The following COL23A1 variants were observed in gnomAD, a reference collection of about 807,000 sequenced individuals.
The protein encoded by COL23A1 is collagen alpha-1(XXIII) chain.
Under a neutral mutation model 99.3 loss-of-function variants are expected in COL23A1, and 97 were observed. The observed-to-expected ratio is 0.98, with a 90% CI of 0.83 to 1.16. The LOEUF (loss-of-function observed/expected upper bound fraction) is 1.16, where lower values mean the gene tolerates loss of function less well. COL23A1 is among the 50% of genes most tolerant of loss of function. COL23A1 has a pLI of 0.00. For missense variants in COL23A1, 762 were observed against 757.4 expected (o/e 1.01, Z -0.07); for synonymous variants, 320 against 308.2 (o/e 1.04, Z -0.40).
At chr5:178,374,519 T>C (rs150017156) in intron 2 of COL23A1, among the ~76,000 whole-genome samples, 2 of 152,348 alleles carry the variant, frequency 1.3e-5, no homozygotes, top group Non-Finnish European at 2.9e-5. Flanking sequence ...GGGTTTGCAT[T>C]CCAGCTCTGC....
chr5:178,314,362 C>T (rs1048155896), intron 2 of COL23A1, among the ~76,000 whole-genome samples: 3 of 152,108 alleles, frequency 2.0e-5, no homozygotes, highest in Non-Finnish European at 2.9e-5. Context: ...TTTAAGGCAC[C>T]GCCATAGTCT....
intron 2 of COL23A1, among the ~76,000 whole-genome samples, chr5:178,552,133 T>C (rs575484971): frequency 1.3e-5 from 2 of 152,288 alleles, no homozygotes; most frequent in South Asian, 4.1e-4. Context: ...CTCCTTGTAA[T>C]TTCTGTAGGA....
chr5:178,551,396 T>A (rs1761998090), intron 2 of COL23A1, among the ~76,000 whole-genome samples: 1 of 151,964 alleles, frequency 6.6e-6, no homozygotes, highest in Admixed American at 6.6e-5. Flanking sequence ...AGAGAAGACT[T>A]CTAATTATTT....
At position 178,403,108 on chromosome 5, in the gene COL23A1, C is replaced by CAAAAA. The variant is rs200567150; in HGVS notation, c.362-96194_362-96190dup. Among the ~76,000 whole-genome samples the CAAAAA allele has an allele frequency of 5.1e-4, 24 of 46,626 alleles. 1 individual carries two copies. Among genetic ancestry groups the CAAAAA allele is most frequent in the African/African-American group, 7.6e-4 (7 of 9,256 alleles). The allele number at this position is 46,626 out of a possible 152,430, so 30.6% of individuals were successfully genotyped here. A position where few individuals can be genotyped will look rare whatever the true frequency, so the allele number is the denominator to read the frequency against. ...TGGGCAACAGAGAGAGACTCCATCT[C>CAAAAA]AAAAAAAAAAAAAATAAATAAATAA... is the stretch of plus-strand genomic sequence containing the variant. On this transcript the variant is annotated intron_variant, in intron 2 of 28. Transcript: ENST00000390654.
At chr5:178,419,832 C>T (rs759634116) in intron 2 of COL23A1, among the ~76,000 whole-genome samples, 31 of 152,304 alleles carry the variant, frequency 2.0e-4, no homozygotes, top group Middle Eastern at 3.4e-3. Flanking sequence ...ACTCATAGAC[C>T]GCTGAGTGTT....
At chr5:178,461,840 C>T (rs1268054194) in intron 2 of COL23A1, among the ~76,000 whole-genome samples, 1 of 152,210 alleles carries the variant, frequency 6.6e-6, no homozygotes, top group African/African-American at 2.4e-5. Flanking sequence ...ACAGCAATGG[C>T]ATGTTGGAGG....
chr5:178,294,857 C>T (rs1757657830), intron 3 of COL23A1, among the ~76,000 whole-genome samples: 1 of 152,142 alleles, frequency 6.6e-6, no homozygotes, highest in African/African-American at 2.4e-5. Flanking sequence ...AAAGGCCAAC[C>T]TAGGCCGTGT....
At chr5:178,508,199 A>G (rs1449590649) in intron 2 of COL23A1, among the ~76,000 whole-genome samples, 1 of 152,176 alleles carries the variant, frequency 6.6e-6, no homozygotes, top group Admixed American at 6.5e-5. Context: ...TAAAGCCCTC[A>G]TTTTGTTTGT....
At chr5:178,433,123 T>A (rs147953015) in intron 2 of COL23A1, among the ~76,000 whole-genome samples, 56 of 152,136 alleles carry the variant, frequency 3.7e-4, no homozygotes, top group African/African-American at 1.2e-3. Context: ...ATCCTGACAC[T>A]ACTGGAAGTT....
At chr5:178,405,095 A>AGAGATT (rs1333095107) in intron 2 of COL23A1, among the ~76,000 whole-genome samples, 1 of 151,962 alleles carries the variant, frequency 6.6e-6, no homozygotes, top group East Asian at 1.9e-4. Context: ...GCCCATCTCT[A>AGAGATT]CCTCCCGCAT....
At chr5:178,342,856 C>T (rs1031253661) in intron 2 of COL23A1, among the ~76,000 whole-genome samples, 12 of 152,062 alleles carry the variant, frequency 7.9e-5, no homozygotes, top group African/African-American at 2.7e-4. Flanking sequence ...ATCTATACTG[C>T]AACACATTCG....
intron 1 of COL23A1, among the ~76,000 whole-genome samples, chr5:178,565,121 C>T (rs74836843): frequency 2.8e-4 from 42 of 151,772 alleles, no homozygotes; most frequent in African/African-American, 9.1e-4. Flanking sequence ...AAAATGTCTA[C>T]ATTGACGTAG....
chr5:178,513,564 C>T (rs1759333400), intron 2 of COL23A1, among the ~76,000 whole-genome samples: 1 of 152,292 alleles, frequency 6.6e-6, no homozygotes, highest in African/African-American at 2.4e-5. Context: ...GTATCTCTTT[C>T]CTGCTCATCT....
intron 2 of COL23A1, among the ~76,000 whole-genome samples, chr5:178,322,642 G>A (rs2913784): frequency 0.36 from 54,768 of 151,962 alleles, 10,545 homozygotes; most frequent in African/African-American, 0.47. Flanking sequence ...AAGATGAGCC[G>A]AGGTAACCGC....
chr5:178,329,574 C>T (rs917214105), intron 2 of COL23A1, among the ~76,000 whole-genome samples: 9 of 152,192 alleles, frequency 5.9e-5, no homozygotes, highest in African/African-American at 2.2e-4. Flanking sequence ...TCTTAGGGAC[C>T]CCGAGTCACA....
At chr5:178,295,490 G>A (rs1300317112) in intron 3 of COL23A1, among the ~76,000 whole-genome samples, 1 of 152,180 alleles carries the variant, frequency 6.6e-6, no homozygotes, top group Non-Finnish European at 1.5e-5. Flanking sequence ...ATGACCTACT[G>A]TGTGAAGGGC....
intron 2 of COL23A1, among the ~76,000 whole-genome samples, chr5:178,524,723 C>T (rs1412052571): frequency 3.9e-5 from 6 of 152,242 alleles, no homozygotes; most frequent in South Asian, 2.1e-4. Context: ...GCCTGCCTGA[C>T]GCCTCCTATG....
intron 2 of COL23A1, among the ~76,000 whole-genome samples, chr5:178,358,180 T>C (rs1045005152): frequency 1.0e-4 from 15 of 149,078 alleles, no homozygotes; most frequent in African/African-American, 3.8e-4. Flanking sequence ...TGTATGTGTA[T>C]GTATGTGTAT....
At chr5:178,567,148 CA>C (rs907627382) in intron 1 of COL23A1, among the ~76,000 whole-genome samples, 1 of 152,214 alleles carries the variant, frequency 6.6e-6, no homozygotes, top group African/African-American at 2.4e-5. Context: ...CAGAAATCAT[CA>C]CAGATATGTG....
Sources: allele counts gnomAD v4.1 joint callset (sites outside exome capture counted in the v4.1 genomes callset), GRCh38; gene constraint gnomAD v4.1.1; transcripts MANE v1.5; gene names NCBI Gene and HGNC (gene_info 2026-07-23, HGNC 2026-07-21).